PTGFR: variants seen among roughly 807,000 people sequenced by gnomAD.
PTGFR encodes prostaglandin F2-alpha receptor.
PTGFR carries 15 observed loss-of-function variants against 26.2 expected under a neutral mutation model. The ratio of observed to expected loss-of-function variants is 0.57; its 90% confidence interval spans 0.38 to 0.88. PTGFR has a LOEUF of 0.88. PTGFR is among the 40% of genes least tolerant of loss of function. The pLI, the probability that PTGFR is intolerant of heterozygous loss-of-function variation, is 0.00. For missense variants in PTGFR, 369 were observed against 427.2 expected, an observed-to-expected ratio of 0.86 and a Z score of 1.20; for synonymous variants, 165 against 151.1, an observed-to-expected ratio of 1.09 and a Z score of -0.68.
chr1:78,535,514 T>C (rs1045721997), intron 2 of PTGFR, among the ~76,000 whole-genome samples: 6 of 152,194 alleles, frequency 3.9e-5, no homozygotes, highest in African/African-American at 1.4e-4. Context: ...CTTTTAATGG[T>C]GGCACAATGG....
chr1:78,519,946 T>C (rs1486638443), intron 2 of PTGFR, among the ~76,000 whole-genome samples: 1 of 152,174 alleles, frequency 6.6e-6, no homozygotes, highest in Admixed American at 6.6e-5. Flanking sequence ...TTTTTCTTTT[T>C]TCCATGGGTT....
At chr1:78,535,180 T>C (rs1650615920) in intron 2 of PTGFR, among the ~76,000 whole-genome samples, 1 of 152,176 alleles carries the variant, frequency 6.6e-6, no homozygotes, top group African/African-American at 2.4e-5. Flanking sequence ...GTGTGCACCA[T>C]GTAACTCAAA....
In PTGFR at chr1:78,539,724, T is replaced by G. The variant is rs942971523; in HGVS notation, c.*3037T>G. The G allele has an allele frequency of 6.5e-6, 1 of 152,714 alleles. No homozygotes were observed. Among genetic ancestry groups the G allele is most frequent in the East Asian group, 1.9e-4 (1 of 5,186 alleles). The allele number at this position is 152,714 out of a possible 1,614,324, so 9.5% of individuals were successfully genotyped here. ...CTAGCTTAAAACTTCAAACAAGTAA[T>G]TTTATAATAAAGTTGGACTAATGTT... On this transcript the variant is annotated 3_prime_UTR_variant, in exon 3 of 3. Coordinates refer to ENST00000370757, the MANE Select transcript of PTGFR (RefSeq NM_000959.4).
chr1:78,521,402 G>A (rs538841536), intron 2 of PTGFR, among the ~76,000 whole-genome samples: 1 of 152,182 alleles, frequency 6.6e-6, no homozygotes, highest in South Asian at 2.1e-4. Flanking sequence ...CATTCTGATT[G>A]ATCGATAACA....
intron 2 of PTGFR, among the ~76,000 whole-genome samples, chr1:78,514,435 T>A (rs1180946485): frequency 3.9e-5 from 6 of 152,192 alleles, no homozygotes; most frequent in African/African-American, 1.4e-4. Flanking sequence ...TATTTTGGCC[T>A]ATTTCTCCCT....
In PTGFR at chr1:78,524,866, A is replaced by G. The variant is rs548519782; in HGVS notation, c.799-11540A>G. Among the ~76,000 whole-genome samples, 17 of 148,912 alleles carry G rather than the reference A, an allele frequency of 1.1e-4. No homozygotes were observed. The South Asian group carries it at 2.6e-3, about 22-fold the overall frequency. On this transcript the variant is annotated intron_variant, in intron 2 of 2. Transcript: ENST00000370757. ...TATACCAATCAGAGGGAAATGTGGA[A>G]TAACTTCATCTAAAGCTCTACACTT...
At chr1:78,511,260 G>C (rs914839232) in intron 2 of PTGFR, among the ~76,000 whole-genome samples, 2 of 152,220 alleles carry the variant, frequency 1.3e-5, no homozygotes, top group Admixed American at 1.3e-4. Context: ...GAGGCTTTCT[G>C]TGGGGGCCCT....
rs1345314797 is a variant in PTGFR at position 78,493,328 on chromosome 1, C to A, written c.585C>A (p.Asp195Glu). The A allele has an allele frequency of 1.9e-6, 3 of 1,614,136 alleles. No individual in the cohort carries two copies. The highest frequency in any genetic ancestry group is 3.3e-5 in the Admixed American group (2 of 60,004). Residue 195 changes from aspartate (D) to glutamate (E), a missense_variant, in exon 2 of 3, where the codon GAC (aspartate) becomes GAA (glutamate). Asp to Glu is a conservative substitution (Grantham distance 45, BLOSUM62 2). Coordinates refer to ENST00000370757, the MANE Select transcript of PTGFR (RefSeq NM_000959.4). ...WCFYNTEDIK[D>E]WEDRFYLLLF... is the part of the protein sequence containing the mutation. ...TCTACAACACAGAAGACATCAAAGACTGGGAAGATAGATTTTATCTTCTAC... is the reference window on the plus strand; with the variant it reads ...TCTACAACACAGAAGACATCAAAGAATGGGAAGATAGATTTTATCTTCTAC...
chr1:78,494,867 G>A (rs1649507132), intron 2 of PTGFR, among the ~76,000 whole-genome samples: 1 of 152,150 alleles, frequency 6.6e-6, no homozygotes, highest in Non-Finnish European at 1.5e-5. Context: ...GCCTCCCAAA[G>A]TGCTGGGATT....
rs749120257 is a variant in PTGFR at position 78,493,233 on chromosome 1, G to C, written c.490G>C (p.Val164Leu). Residue 164 changes from valine (V) to leucine (L), a missense_variant, in exon 2 of 3, where the codon GTT becomes CTT. By Grantham distance (32) the Val-to-Leu change is conservative (BLOSUM62 1). Coordinates refer to ENST00000370757, the MANE Select transcript of PTGFR (RefSeq NM_000959.4). Reference protein sequence around the residue: ...MMLSGVCLFAVFIALLPILGH... With the variant: ...MMLSGVCLFALFIALLPILGH... ...GTTAAGTGGTGTGTGCTTGTTTGCT[G>C]TTTTCATAGCTTTGCTGCCCATCCT... The C allele has an allele frequency of 1.2e-6, 2 of 1,614,132 alleles. No homozygotes were observed. The highest frequency in any genetic ancestry group is 1.7e-6 in the Non-Finnish European group (2 of 1,180,018).
chr1:78,517,098 A>T (rs1650105034), intron 2 of PTGFR, among the ~76,000 whole-genome samples: 1 of 152,202 alleles, frequency 6.6e-6, no homozygotes, highest in Admixed American at 6.6e-5. Flanking sequence ...CCAAAGATAG[A>T]TGTCCTTAGT....
intron 1 of PTGFR, among the ~76,000 whole-genome samples, chr1:78,491,441 C>T (rs1407568502): frequency 1.3e-5 from 2 of 152,170 alleles, no homozygotes; most frequent in Non-Finnish European, 2.9e-5. Context: ...AGCTGCTCTG[C>T]GGGGGATTGG....
chr1:78,532,399 T>G (rs1650535159), intron 2 of PTGFR: 1 of 139,582 alleles, frequency 7.2e-6, no homozygotes, highest in Non-Finnish European at 1.5e-5. Flanking sequence ...TATATATATG[T>G]ATATATGTGT....
intron 2 of PTGFR, among the ~76,000 whole-genome samples, chr1:78,507,695 T>C (rs1002228024): frequency 3.3e-5 from 5 of 152,180 alleles, no homozygotes; most frequent in Non-Finnish European, 7.4e-5. Context: ...TGACATTTTG[T>C]TTTATTGGCT....
chr1:78,526,859 T>G (rs1476742284), intron 2 of PTGFR, among the ~76,000 whole-genome samples: 1 of 152,116 alleles, frequency 6.6e-6, no homozygotes, highest in African/African-American at 2.4e-5. Flanking sequence ...ACAACTGTGC[T>G]GATCGTAGAA....
rs571992995 is a variant in PTGFR, at chr1:78,525,834, G to A, written c.799-10572G>A. ...CTCCTATCATTAAGGAAATTCCAAG[G>A]GCTTAGAGGCTCCCTTCCAGGAACC... On this transcript the variant is annotated intron_variant, in intron 2 of 2. Transcript: ENST00000370757. Among the ~76,000 whole-genome samples the A allele has an allele frequency of 5.3e-5, 8 of 152,074 alleles. No individual in the cohort carries two copies. In the East Asian group the frequency reaches 9.7e-4, roughly 18 times the overall value.
intron 2 of PTGFR, among the ~76,000 whole-genome samples, chr1:78,534,299 C>A (rs2100403900): frequency 6.6e-6 from 1 of 152,142 alleles, no homozygotes; most frequent in East Asian, 1.9e-4. Context: ...TGCCAGAGAC[C>A]AGAGAAAATG....
rs2100409384 is a variant in PTGFR, at chr1:78,538,106, T to C, written c.*1419T>C. On this transcript the variant is annotated 3_prime_UTR_variant, in exon 3 of 3. Coordinates refer to ENST00000370757, the MANE Select transcript of PTGFR (RefSeq NM_000959.4). ...GTAACCAGAAGACCTTTCAGATGGT[T>C]TATTTGCTTTCAGCAGAGAATTTAT... 6.6e-6 allele frequency: 1 copy of C among 152,252 alleles called. No individual in the cohort carries two copies. The highest frequency in any genetic ancestry group is 3.4e-3 in the Middle Eastern group (1 of 294). The allele number at this position is 152,252 out of a possible 1,614,324, so 9.4% of individuals were successfully genotyped here.
chr1:78,512,123 C>T (rs999286687), intron 2 of PTGFR, among the ~76,000 whole-genome samples: 1 of 152,200 alleles, frequency 6.6e-6, no homozygotes. Flanking sequence ...TAATCAGTCT[C>T]TAACAAGTTT....
Sources: gnomAD v4.1 joint callset for allele counts (sites outside exome capture counted in the v4.1 genomes callset) on GRCh38, gnomAD v4.1.1 for gene constraint, MANE v1.5 for transcripts, NCBI Gene and HGNC (gene_info 2026-07-23, HGNC 2026-07-21) for gene names.